NIM1K: variants seen among roughly 807,000 people sequenced by gnomAD.
The protein encoded by NIM1K is NIM1 serine/threonine protein kinase, also known as serine/threonine-protein kinase NIM1.
NIM1K carries 35 observed loss-of-function variants against 37.1 expected under a neutral mutation model. The observed-to-expected ratio is 0.94, with a 90% CI of 0.72 to 1.25. The LOEUF (loss-of-function observed/expected upper bound fraction) is 1.25, where lower values mean the gene tolerates loss of function less well. Among genes scored for constraint, NIM1K ranks in the 50% most tolerant of loss-of-function variants. NIM1K has a pLI of 0.00. For synonymous variants in NIM1K, 234 were observed against 206.6 expected (o/e 1.13, Z -1.14); for missense variants, 564 against 548.0 (o/e 1.03, Z -0.29).
At chr5:43,211,164 C>A (rs1312958114) in intron 1 of NIM1K, among the ~76,000 whole-genome samples, 6 of 151,492 alleles carry the variant, frequency 4.0e-5, no homozygotes, top group African/African-American at 1.5e-4. Flanking sequence ...AGAGCGAGAA[C>A]CTTTCTCAAA....
rs117035307 is a variant in NIM1K, at chr5:43,221,903, A to T, written c.-694-23179A>T. On this transcript the variant is annotated intron_variant, in intron 1 of 3. Transcript: ENST00000326035. Reference sequence around the variant, plus strand: ...ATACAAGTAGCTCCTTGAGGACAGGAACTATGTCTTATGCATTTTATGCCC... The same window carrying T: ...ATACAAGTAGCTCCTTGAGGACAGGTACTATGTCTTATGCATTTTATGCCC... Among the ~76,000 whole-genome samples the T allele has an allele frequency of 1.4e-4, 21 of 152,372 alleles. No individual in the cohort carries two copies. In the East Asian group the frequency reaches 4.0e-3, roughly 29 times the overall value.
At chr5:43,243,359 A>C (rs1433884544) in intron 1 of NIM1K, among the ~76,000 whole-genome samples, 1 of 151,994 alleles carries the variant, frequency 6.6e-6, no homozygotes, top group Non-Finnish European at 1.5e-5. Context: ...ATCTGGGGAG[A>C]TCTAGTGCCA....
intron 1 of NIM1K, among the ~76,000 whole-genome samples, chr5:43,214,972 T>A (rs751625897): frequency 2.0e-5 from 3 of 152,176 alleles, no homozygotes; most frequent in Non-Finnish European, 4.4e-5. Flanking sequence ...GAACTGAGAA[T>A]CAGAAACCTT....
intron 1 of NIM1K, among the ~76,000 whole-genome samples, chr5:43,223,846 C>A (rs1579964778): frequency 6.6e-6 from 1 of 152,124 alleles, no homozygotes; most frequent in Admixed American, 6.6e-5. Flanking sequence ...TTTGGCAGAT[C>A]AATGGGCTCA....
chr5:43,259,124 A>T (rs746244508), intron 2 of NIM1K, among the ~76,000 whole-genome samples: 1 of 152,198 alleles, frequency 6.6e-6, no homozygotes, highest in Non-Finnish European at 1.5e-5. Context: ...ATTCTATGGT[A>T]TATACACCAC....
chr5:43,221,070 C>T (rs1392616598), intron 1 of NIM1K, among the ~76,000 whole-genome samples: 2 of 152,108 alleles, frequency 1.3e-5, no homozygotes, highest in Non-Finnish European at 2.9e-5. Context: ...TAAATGAACT[C>T]ACAGCGAGTC....
At chr5:43,261,077 G>T (rs1753022672) in intron 2 of NIM1K, among the ~76,000 whole-genome samples, 1 of 152,180 alleles carries the variant, frequency 6.6e-6, no homozygotes, top group Non-Finnish European at 1.5e-5. Context: ...ACATACGTGT[G>T]CATGTGTCTT....
At chr5:43,229,023 A>G (rs187005801) in intron 1 of NIM1K, among the ~76,000 whole-genome samples, 59 of 152,284 alleles carry the variant, frequency 3.9e-4, no homozygotes, top group Middle Eastern at 3.4e-3. Flanking sequence ...TGAATATAGT[A>G]CTTTTTAAAA....
chr5:43,222,948 G>C (rs930726366), intron 1 of NIM1K, among the ~76,000 whole-genome samples: 1 of 151,910 alleles, frequency 6.6e-6, no homozygotes, highest in Admixed American at 6.6e-5. Context: ...AGACCAGCCT[G>C]ACCAACACGG....
rs2112192126 is a variant in NIM1K at position 43,197,167 on chromosome 5, C to T, written c.-695+4756C>T. Among the ~76,000 whole-genome samples the T allele has an allele frequency of 2.0e-5, 3 of 151,786 alleles. No individual in the cohort carries two copies. The South Asian group carries it at 6.3e-4, about 32-fold the overall frequency. Reference sequence around the variant, plus strand: ...TTTTATTTAGAGGCAGGATCTCACTCACCTAGACTACAGTGCAGTGGTACA... The same window carrying T: ...TTTTATTTAGAGGCAGGATCTCACTTACCTAGACTACAGTGCAGTGGTACA... On this transcript the variant is annotated intron_variant, in intron 1 of 3. Coordinates refer to ENST00000326035, the MANE Select transcript of NIM1K (RefSeq NM_153361.4).
At chr5:43,243,449 G>GTTT (rs374755279) in intron 1 of NIM1K, among the ~76,000 whole-genome samples, 6 of 141,806 alleles carry the variant, frequency 4.2e-5, no homozygotes, top group African/African-American at 1.5e-4. Flanking sequence ...ATGGGTGAGG[G>GTTT]TTTTTTTTTT....
At position 43,248,863 on chromosome 5, in the gene NIM1K, TA is replaced by T. The variant is rs1291509044; in HGVS notation, c.292+2799del. ...CCACTTGCTCAGTCTTTTTTTTTTTTAAATTAATTTTAATTAATTAATTATT... is the reference window on the plus strand; with the variant it reads ...CCACTTGCTCAGTCTTTTTTTTTTTTAATTAATTTTAATTAATTAATTATT... On this transcript the variant is annotated intron_variant, in intron 2 of 3. Coordinates refer to ENST00000326035, the MANE Select transcript of NIM1K (RefSeq NM_153361.4). 1.7e-4 allele frequency among the ~76,000 whole-genome samples: 24 copies of T among 144,946 alleles called. No homozygotes were observed. In the South Asian group the frequency reaches 3.1e-3, roughly 19 times the overall value.
chr5:43,261,851 A>G (rs1753035995), intron 2 of NIM1K, among the ~76,000 whole-genome samples: 1 of 152,198 alleles, frequency 6.6e-6, no homozygotes, highest in Non-Finnish European at 1.5e-5. Context: ...TCCCAGCACC[A>G]CTTATTAAAT....
In NIM1K at chr5:43,280,189, G is replaced by T; in HGVS notation, c.771G>T (p.Leu257Phe). 2 of 1,614,132 alleles carry T rather than the reference G, an allele frequency of 1.2e-6. No homozygotes were observed. Among genetic ancestry groups the T allele is most frequent in the Non-Finnish European group, 1.7e-6 (2 of 1,180,030 alleles). Residue 257 changes from leucine (L) to phenylalanine (F), a missense_variant, in exon 4 of 4, where the codon TTG becomes TTT. By Grantham distance (22) the Leu-to-Phe change is conservative. Transcript: ENST00000326035. ...GCATTTACGTGGATATCTGGGCCTTGGGGGTGCTTTTGTACTTCATGGTGA... is the reference window on the plus strand; with the variant it reads ...GCATTTACGTGGATATCTGGGCCTTTGGGGTGCTTTTGTACTTCATGGTGA... ...YIGIYVDIWA[L>F]GVLLYFMVTG...
At chr5:43,276,248 T>G (rs1460392534) in intron 2 of NIM1K, among the ~76,000 whole-genome samples, 2 of 152,220 alleles carry the variant, frequency 1.3e-5, no homozygotes, top group Non-Finnish European at 2.9e-5. Context: ...TTCTGCAGGC[T>G]GTACAGGAAG....
chr5:43,276,466 G>A (rs1753342164), intron 2 of NIM1K, among the ~76,000 whole-genome samples: 1 of 152,256 alleles, frequency 6.6e-6, no homozygotes, highest in African/African-American at 2.4e-5. Context: ...TGAGACATCA[G>A]CCTCCATGAC....
At chr5:43,256,435 T>G (rs1752948068) in intron 2 of NIM1K, among the ~76,000 whole-genome samples, 1 of 152,212 alleles carries the variant, frequency 6.6e-6, no homozygotes, top group African/African-American at 2.4e-5. Context: ...AAGAACAGTT[T>G]ACACTGACTG....
intron 2 of NIM1K, among the ~76,000 whole-genome samples, chr5:43,251,633 T>A (rs1325312183): frequency 6.6e-6 from 1 of 152,224 alleles, no homozygotes; most frequent in African/African-American, 2.4e-5. Context: ...ATTCTTTTGA[T>A]CTTCACTTTC....
Position 43,239,429 on chromosome 5 carries a change from T to A in NIM1K, c.-694-5653T>A, listed in dbSNP as rs10462046. Among the ~76,000 whole-genome samples the A allele has an allele frequency of 9.0e-3, 1,372 of 151,904 alleles. 90 individuals carry two copies. In the East Asian group the frequency reaches 0.16, roughly 17 times the overall value. On this transcript the variant is annotated intron_variant, in intron 1 of 3. Transcript: ENST00000326035. ...ATTTTTTTGTATTTTTAGTAGAGTC[T>A]GGGTTTCACTATGTTGGCCAGGCTG...
Sources: gnomAD v4.1 joint callset for allele counts (sites outside exome capture counted in the v4.1 genomes callset) on GRCh38, gnomAD v4.1.1 for gene constraint, MANE v1.5 for transcripts, NCBI Gene and HGNC (gene_info 2026-07-23, HGNC 2026-07-21) for gene names.